The following ACYP2 variants were observed in gnomAD, a reference collection of about 807,000 sequenced individuals.
ACYP2 encodes acylphosphatase 2.
Under a neutral mutation model 11.2 loss-of-function variants are expected in ACYP2, and 12 were observed. The observed-to-expected ratio is 1.08, with a 90% confidence interval of 0.69 to 1.74. The LOEUF (loss-of-function observed/expected upper bound fraction) is 1.74, where lower values mean the gene tolerates loss of function less well. Among genes scored for constraint, ACYP2 ranks in the 40% most tolerant of loss-of-function variants. The pLI is 0.00. For synonymous variants in ACYP2, 43 were observed against 32.2 expected (o/e 1.33, Z -1.13); for missense variants, 134 against 101.9 (o/e 1.31, Z -1.35).
At chr2:54,244,591 G>C (rs1406837210) in intron 6 of ACYP2, among the ~76,000 whole-genome samples, 2 of 152,074 alleles carry the variant, frequency 1.3e-5, no homozygotes, top group African/African-American at 4.8e-5. Context: ...TGAATTTCCT[G>C]TTCTGTTTTC....
chr2:54,053,644 C>A (rs887428075), intron 3 of ACYP2, among the ~76,000 whole-genome samples: 8 of 152,204 alleles, frequency 5.3e-5, no homozygotes, highest in African/African-American at 1.4e-4. Flanking sequence ...GGCTGTGCAA[C>A]TTAGGAACTC....
chr2:54,121,841 G>T (rs777054722), intron 4 of ACYP2, among the ~76,000 whole-genome samples: 20 of 152,196 alleles, frequency 1.3e-4, no homozygotes, highest in Admixed American at 1.3e-4. Flanking sequence ...TTGAAGGTCA[G>T]GCTGGTGGCT....
At chr2:54,262,722 T>C (rs1687834790) in intron 6 of ACYP2, among the ~76,000 whole-genome samples, 1 of 152,238 alleles carries the variant, frequency 6.6e-6, no homozygotes, top group Admixed American at 6.5e-5. Flanking sequence ...ATTACTTTTT[T>C]TTTTTAGAAA....
At chr2:54,029,801 G>A (rs1474728370) in intron 2 of ACYP2, 5 of 564,520 alleles carry the variant, frequency 8.9e-6, no homozygotes, top group Admixed American at 4.2e-5. Flanking sequence ...GGTGACACTT[G>A]GGGGGCATTC....
intron 2 of ACYP2, among the ~76,000 whole-genome samples, chr2:53,993,052 A>G (rs1327790462): frequency 6.6e-6 from 1 of 152,112 alleles, no homozygotes; most frequent in Admixed American, 6.6e-5. Flanking sequence ...CCCAAAATAC[A>G]AAAATTAGCC....
intron 6 of ACYP2, among the ~76,000 whole-genome samples, chr2:54,139,999 A>T (rs973238549): frequency 6.6e-6 from 1 of 152,152 alleles, no homozygotes; most frequent in African/African-American, 2.4e-5. Context: ...ATAATTATCA[A>T]CTCCTTATTT....
At position 54,207,171 on chromosome 2, in the gene ACYP2, A is replaced by ATGTGTGTGTGTGTG. The variant is rs1462290345; in HGVS notation, c.404+68424_404+68425insGTGTGTGTGTGTGT. 8.9e-3 allele frequency among the ~76,000 whole-genome samples: 608 copies of ATGTGTGTGTGTGTG among 68,432 alleles called. 3 individuals carry two copies. The highest frequency in any genetic ancestry group is 0.018 in the East Asian group (30 of 1,696). 44.9% of individuals were successfully genotyped at this position (68,432 alleles called of 152,430 possible). A position where few individuals can be genotyped will look rare whatever the true frequency, so the allele number is the denominator to read the frequency against. The stretch of plus-strand genomic sequence containing the variant: ...TTATATGTACATATATACAACATGT[A>ATGTGTGTGTGTGTG]TATGTGTGTGTGTGTGTGTGTGTGT... On this transcript the variant is annotated intron_variant, in intron 6 of 6. Transcript: ENST00000607452.
At chr2:54,195,794 G>GGTTTTT (rs1553389697) in intron 6 of ACYP2, among the ~76,000 whole-genome samples, 2 of 83,134 alleles carry the variant, frequency 2.4e-5, no homozygotes, top group African/African-American at 9.9e-5. Context: ...TTTGTTGTGG[G>GGTTTTT]TTTTTTTTTT....
intron 6 of ACYP2, among the ~76,000 whole-genome samples, chr2:54,284,842 G>A (rs145665145): frequency 5.3e-4 from 80 of 152,278 alleles, no homozygotes; most frequent in South Asian, 2.3e-3. Context: ...GCCAAATCCA[G>A]TGATCAGTTC....
chr2:54,243,719 G>C (rs964250619), intron 6 of ACYP2, among the ~76,000 whole-genome samples: 37 of 152,148 alleles, frequency 2.4e-4, no homozygotes, highest in African/African-American at 8.7e-4. Context: ...ACAGATGCAT[G>C]CCACCACGGC....
intron 6 of ACYP2, among the ~76,000 whole-genome samples, chr2:54,290,105 C>T (rs1483562901): frequency 4.6e-5 from 7 of 152,054 alleles, no homozygotes; most frequent in Admixed American, 3.9e-4. Context: ...CAGGGCTTCG[C>T]TTTATGAATT....
intron 6 of ACYP2, among the ~76,000 whole-genome samples, chr2:54,139,406 T>C (rs553639414): frequency 2.6e-5 from 4 of 152,358 alleles, no homozygotes; most frequent in South Asian, 4.1e-4. Flanking sequence ...CTATGAATCC[T>C]TGAAGTCCAA....
intron 6 of ACYP2, among the ~76,000 whole-genome samples, chr2:54,283,053 T>C (rs1471163879): frequency 1.3e-5 from 2 of 152,242 alleles, no homozygotes; most frequent in Non-Finnish European, 2.9e-5. Flanking sequence ...ATGGTTGATT[T>C]GAAATTTTTT....
intron 6 of ACYP2, among the ~76,000 whole-genome samples, chr2:54,245,190 A>G (rs891806755): frequency 6.6e-6 from 1 of 152,046 alleles, no homozygotes; most frequent in Non-Finnish European, 1.5e-5. Context: ...AGTCCCATCC[A>G]TGTTGCAGGA....
chr2:54,236,281 A>G (rs1313426710), intron 6 of ACYP2, among the ~76,000 whole-genome samples: 1 of 152,040 alleles, frequency 6.6e-6, no homozygotes, highest in African/African-American at 2.4e-5. Context: ...ATAACTTTTT[A>G]TCAAGGATGT....
chr2:54,186,767 G>C (rs986684348), intron 6 of ACYP2, among the ~76,000 whole-genome samples: 106 of 152,256 alleles, frequency 7.0e-4, no homozygotes, highest in African/African-American at 2.1e-3. Context: ...ACCTGCCTCA[G>C]CCTCCCCAAG....
intron 4 of ACYP2, among the ~76,000 whole-genome samples, chr2:54,112,369 G>A (rs1448013241): frequency 2.0e-5 from 3 of 152,148 alleles, no homozygotes; most frequent in Non-Finnish European, 4.4e-5. Flanking sequence ...ACATTTGTTT[G>A]TATAAAAAGC....
At chr2:54,073,073 A>T (rs920188709) in intron 4 of ACYP2, among the ~76,000 whole-genome samples, 5 of 152,218 alleles carry the variant, frequency 3.3e-5, no homozygotes, top group African/African-American at 1.2e-4. Context: ...AGAGTTCAGA[A>T]ATAAACTCTT....
intron 3 of ACYP2, among the ~76,000 whole-genome samples, chr2:54,053,985 T>C (rs1675994112): frequency 6.6e-6 from 1 of 152,222 alleles, no homozygotes; most frequent in African/African-American, 2.4e-5. Flanking sequence ...AAACTTGATG[T>C]TGATACTGGC....
Sources: gnomAD v4.1 joint callset for allele counts (sites outside exome capture counted in the v4.1 genomes callset) on GRCh38, gnomAD v4.1.1 for gene constraint, MANE v1.5 for transcripts, NCBI Gene and HGNC (gene_info 2026-07-23, HGNC 2026-07-21) for gene names.